GPR155: variants seen among roughly 807,000 people sequenced by gnomAD.
The protein encoded by GPR155 is G protein-coupled receptor 155.
GPR155 carries 65 observed loss-of-function variants against 93.1 expected under a neutral mutation model. That is an observed-to-expected ratio of 0.70 (90% CI 0.57 to 0.86). The LOEUF is 0.86. Among genes scored for constraint, GPR155 ranks in the 40% least tolerant of loss-of-function variants. The probability of loss-of-function intolerance (pLI) is 0.00; values close to 1 mark genes in which losing one functional copy is unlikely to be tolerated. For missense variants in GPR155, 838 were observed against 1,034.8 expected (o/e 0.81, Z 2.61); for synonymous variants, 319 against 360.1 (o/e 0.89, Z 1.29).
chr2:174,436,022 G>C lies in GPR155; in HGVS notation c.*94C>G, dbSNP rs558004780. 148 of 925,736 alleles carry C rather than the reference G, an allele frequency of 1.6e-4. No homozygotes were observed. The South Asian group carries it at 2.1e-3, about 13-fold the overall frequency. The allele number at this position is 925,736 out of a possible 1,614,324, so 57.3% of individuals were successfully genotyped here. On this transcript the variant is annotated 3_prime_UTR_variant, in exon 16 of 16. Transcript: ENST00000392552. ...GAAGAGACAACTGAGGCTCAGAGAG[G>C]TTGCCTCTGTTAACTTGCCCAAGGT... is the stretch of plus-strand genomic sequence containing the variant.
intron 1 of GPR155, among the ~76,000 whole-genome samples, chr2:174,485,810 T>TA (rs149883998): frequency 0.15 from 22,365 of 150,800 alleles, 1,807 homozygotes; most frequent in South Asian, 0.19. Context: ...AGGGAAGTTT[T>TA]AAAAAAAAAA....
rs1203203059 is a variant in GPR155 at position 174,483,876 on chromosome 2, C to T, written c.-31-1889G>A. Among the ~76,000 whole-genome samples the T allele has an allele frequency of 3.3e-5, 5 of 152,158 alleles. No individual in the cohort carries two copies. The East Asian group carries it at 5.8e-4, about 18-fold the overall frequency. On this transcript the variant is annotated intron_variant, in intron 1 of 15. Transcript: ENST00000392552. ...CTGGGATTATAGGTGTGAGCCACCA[C>T]GCCCAGCCAACAATAGCCAATTTCT...
At chr2:174,442,396 G>A (rs1196989546) in intron 13 of GPR155, among the ~76,000 whole-genome samples, 1 of 152,132 alleles carries the variant, frequency 6.6e-6, no homozygotes, top group Admixed American at 6.5e-5. Context: ...CATTGTGATG[G>A]GTGATACAAA....
At chr2:174,440,167 A>G (rs968249273) in intron 14 of GPR155, 132 bp from the exon 15 acceptor site, 17 of 649,400 alleles carry the variant, frequency 2.6e-5, no homozygotes, top group Non-Finnish European at 3.6e-5. Flanking sequence ...CAATACCCAG[A>G]CATCGTTAGT....
intron 15 of GPR155, among the ~76,000 whole-genome samples, chr2:174,438,724 C>T (rs1370951813): frequency 6.6e-6 from 1 of 152,156 alleles, no homozygotes; most frequent in East Asian, 1.9e-4. Flanking sequence ...CCAGGCTGGT[C>T]TTGAACTCCT....
At chr2:174,466,978 G>A (rs1022720986) in intron 5 of GPR155, among the ~76,000 whole-genome samples, 5 of 151,900 alleles carry the variant, frequency 3.3e-5, no homozygotes, top group East Asian at 3.9e-4. Flanking sequence ...CCAACATGAC[G>A]AAACCCTGTC....
In GPR155 at chr2:174,473,197, C is replaced by T. The variant is rs553833504; in HGVS notation, c.628G>A (p.Gly210Arg). 15 of 1,613,374 alleles carry T rather than the reference C, an allele frequency of 9.3e-6. No homozygotes were observed. Among genetic ancestry groups the T allele is most frequent in the African/African-American group, 4.0e-5 (3 of 74,956 alleles). ...GGGTTCTGTAATACACGCAGGAGTC[C>T]GAGTCCCACAATTTTTATTTTATTT... ...SQNKIKIVGL[G>R]LLRVLQNPIV... The change falls in exon 3 of 16, where the codon GGA becomes AGA. Residue 210 changes from glycine to arginine, a missense_variant. Transcript: ENST00000392552.
chr2:174,473,406 A>T, intron 2 of GPR155, 42 bp from the exon 3 acceptor site: 2 of 1,269,920 alleles, frequency 1.6e-6, no homozygotes, highest in Non-Finnish European at 2.2e-6. Context: ...TGACCACAGA[A>T]ATACAGATAT....
intron 3 of GPR155, among the ~76,000 whole-genome samples, 186 bp downstream of exon 3, chr2:174,472,779 A>C (rs1414117206): frequency 3.9e-5 from 6 of 152,222 alleles, no homozygotes; most frequent in African/African-American, 1.4e-4. Flanking sequence ...GGAAAGAATA[A>C]GCTACTGGGA....
At chr2:174,486,844 C>A in intron 1 of GPR155, 29 bp downstream of exon 1, 1 of 152,760 alleles carries the variant, frequency 6.5e-6, no homozygotes, top group Non-Finnish European at 1.5e-5. Context: ...CAGGACCCAG[C>A]AGGTCCGCGC....
intron 15 of GPR155, among the ~76,000 whole-genome samples, chr2:174,436,893 C>T (rs139947306): frequency 0.015 from 2,298 of 152,258 alleles, 24 homozygotes; most frequent in Middle Eastern, 0.038. Context: ...ATCATGTATA[C>T]GTATGCACTA....
At chr2:174,468,002 T>G (rs1168533956) in intron 5 of GPR155, among the ~76,000 whole-genome samples, 1 of 152,156 alleles carries the variant, frequency 6.6e-6, no homozygotes, top group Non-Finnish European at 1.5e-5. Flanking sequence ...TCCCAAAGTG[T>G]TGGGATTACA....
chr2:174,485,256 C>A (rs1471632949), intron 1 of GPR155, among the ~76,000 whole-genome samples: 1 of 151,926 alleles, frequency 6.6e-6, no homozygotes, highest in Non-Finnish European at 1.5e-5. Flanking sequence ...TAGCAATGTC[C>A]AAGATTAACT....
intron 13 of GPR155, among the ~76,000 whole-genome samples, chr2:174,442,524 T>C (rs528915311): frequency 6.6e-6 from 1 of 152,358 alleles, no homozygotes; most frequent in African/African-American, 2.4e-5. Flanking sequence ...GTATTTATTA[T>C]TTTTCCATGA....
chr2:174,437,858 A>T (rs548946383), intron 15 of GPR155, among the ~76,000 whole-genome samples: 2 of 151,082 alleles, frequency 1.3e-5, no homozygotes, highest in Admixed American at 6.6e-5. Flanking sequence ...TGCTGGGATT[A>T]CAGGCGTGAG....
At chr2:174,462,888 G>C (rs998142539) in intron 7 of GPR155, among the ~76,000 whole-genome samples, 15 of 152,150 alleles carry the variant, frequency 9.9e-5, no homozygotes, top group Non-Finnish European at 1.2e-4. Flanking sequence ...CTTTAAAGTT[G>C]AAAGGGACCT....
At position 174,436,412 on chromosome 2, in the gene GPR155, C is replaced by T. The variant is rs761031833; in HGVS notation, c.2317G>A (p.Gly773Ser). Residue 773 changes from glycine to serine, a missense_variant, in exon 16 of 16, where the codon GGT becomes AGT. Gly to Ser is a moderately conservative substitution (Grantham distance 56). Around this residue, in one of 3 missense-constraint regions of GPR155, gnomAD observed 146 missense variants for 177.5 expected, o/e 0.82. Transcript: ENST00000392552. ...IRNIVKERRC[G>S]AKTSAGTFCG... ...AAAGTTCCAGCAGAAGTCTTTGCAC[C>T]ACACCTGTGTCAAAGGAATGATTCA... 6.2e-7 allele frequency: 1 copy of T among 1,613,702 alleles called. No homozygotes were observed. Among genetic ancestry groups the T allele is most frequent in the Non-Finnish European group, 8.5e-7 (1 of 1,179,736 alleles).
intron 1 of GPR155, among the ~76,000 whole-genome samples, chr2:174,485,352 T>G (rs943069038): frequency 2.0e-5 from 3 of 151,854 alleles, no homozygotes; most frequent in Non-Finnish European, 2.9e-5. Flanking sequence ...ATCCCAGCAC[T>G]CTGGGAGGTC....
In GPR155 at chr2:174,471,291, C is replaced by T. The variant is rs188995505; in HGVS notation, c.861-736G>A. On this transcript the variant is annotated intron_variant, in intron 3 of 15. Transcript: ENST00000392552. ...CCTGTAATCCCAGCTACTCAGGAGGCTGAGGCTGGAGAACTGCTTGAACCC... is the reference window on the plus strand; with the variant it reads ...CCTGTAATCCCAGCTACTCAGGAGGTTGAGGCTGGAGAACTGCTTGAACCC... Among the ~76,000 whole-genome samples, 18 of 150,684 alleles carry T rather than the reference C, an allele frequency of 1.2e-4. No individual in the cohort carries two copies. The East Asian group carries it at 3.5e-3, about 30-fold the overall frequency.
Sources: allele counts gnomAD v4.1 joint callset (sites outside exome capture counted in the v4.1 genomes callset), GRCh38; gene constraint gnomAD v4.1.1; regional missense constraint gnomAD v4.1.1; transcripts MANE v1.5; gene names NCBI Gene and HGNC (gene_info 2026-07-23, HGNC 2026-07-21).